Variants in AZIN2 observed in about 807,000 individuals in gnomAD.
AZIN2 encodes the protein antizyme inhibitor 2.
A neutral mutation model predicts 47.8 loss-of-function variants in AZIN2; 28 were observed. The ratio of observed to expected loss-of-function variants is 0.59; its 90% confidence interval spans 0.43 to 0.80. AZIN2 has a LOEUF of 0.80. Ranked by LOEUF, AZIN2 falls within the 30% of genes least tolerant of loss-of-function variation. The pLI, the probability that AZIN2 is intolerant of heterozygous loss-of-function variation, is 0.00. For synonymous variants in AZIN2, 221 were observed against 239.4 expected (o/e 0.92, Z 0.71); for missense variants, 535 against 582.5 (o/e 0.92, Z 0.84).
At chr1:33,131,104 G>T in the AZIN2 span, among the ~76,000 whole-genome samples, 4 of 152,218 alleles carry the variant, frequency 2.6e-5, no homozygotes, top group Non-Finnish European at 5.9e-5. Flanking sequence ...GTTGGTCAAA[G>T]AAAACAGCCA....
chr1:33,143,676 T>C, the AZIN2 span, among the ~76,000 whole-genome samples: 1 of 152,216 alleles, frequency 6.6e-6, no homozygotes, highest in Admixed American at 6.5e-5. Flanking sequence ...ACCTGTGGCC[T>C]GCAGCCTAAC....
At chr1:33,114,355 CTTTTT>C (rs59452990) in intron 10 of AZIN2, among the ~76,000 whole-genome samples, 4 of 115,950 alleles carry the variant, frequency 3.4e-5, no homozygotes, top group East Asian at 2.4e-4. Flanking sequence ...TTTTTCTTTT[CTTTTT>C]TTTTTTTTTT....
chr1:33,103,129 C>T (rs1411156365), intron 10 of AZIN2, among the ~76,000 whole-genome samples: 1 of 152,126 alleles, frequency 6.6e-6, no homozygotes, highest in Admixed American at 6.5e-5. Flanking sequence ...ATACTACTAC[C>T]TGCTTACCAC....
downstream of AZIN2, among the ~76,000 whole-genome samples, chr1:33,124,511 C>T (rs145618528): frequency 2.0e-5 from 3 of 152,230 alleles, no homozygotes; most frequent in Middle Eastern, 3.4e-3. The surrounding 1 kb of genome is among the most constrained non-coding windows in gnomAD (Gnocchi z 4.6). Context: ...AAAGGCAGAC[C>T]CAGTCAGGAA....
intron 6 of AZIN2, 69 bp downstream of exon 6, chr1:33,092,291 G>C: frequency 6.5e-7 from 1 of 1,530,942 alleles, no homozygotes; most frequent in Non-Finnish European, 8.8e-7. Flanking sequence ...CCTGGGCTGT[G>C]GGGAGGCTGG....
chr1:33,160,856 C>T, the AZIN2 span, among the ~76,000 whole-genome samples: 1 of 152,222 alleles, frequency 6.6e-6, no homozygotes, highest in Non-Finnish European at 1.5e-5. Context: ...CTCTAGGACC[C>T]TCTGGCTAAG....
chr1:33,148,127 G>A, the AZIN2 span, among the ~76,000 whole-genome samples: 2 of 152,180 alleles, frequency 1.3e-5, no homozygotes, highest in Non-Finnish European at 2.9e-5. Context: ...AAATTGGTGA[G>A]TGTGTTCAGG....
the AZIN2 span, chr1:33,147,325 A>G: frequency 6.2e-7 from 1 of 1,614,210 alleles, no homozygotes. This position sits in a 1 kb window ranked among gnomAD's most constrained non-coding sequence, Gnocchi z 8.1. Context: ...GTAGAAGATG[A>G]GCAAGCCTTG....
chr1:33,086,072 G>A (rs1243590290), intron 5 of AZIN2, among the ~76,000 whole-genome samples: 3 of 152,212 alleles, frequency 2.0e-5, no homozygotes, highest in African/African-American at 7.2e-5. Flanking sequence ...AGAGTGAGGT[G>A]TTAAGGCTGA....
the AZIN2 span, chr1:33,164,323 A>C: frequency 6.6e-6 from 1 of 152,260 alleles, no homozygotes; most frequent in South Asian, 2.1e-4. Flanking sequence ...GGCCCAGCGC[A>C]TTCCTAAGGC....
chr1:33,083,962 A>G lies in AZIN2; in HGVS notation c.114A>G (p.Val38=). ...CACTTCTTGTCATTCAGGACGAGGT[A>G]GCTGCCTTCTTCGTGGCTGACCTGG... ...LGASQATTDE[V]AAFFVADLGA... is the part of the protein sequence containing the mutation. Residue 38 remains valine (V), a synonymous_variant, in exon 5 of 12, where the codon GTA becomes GTG. Transcript: ENST00000294517. The G allele has an allele frequency of 6.2e-7, 1 of 1,614,154 alleles. No homozygotes were observed. Among genetic ancestry groups the G allele is most frequent in the Non-Finnish European group, 8.5e-7 (1 of 1,180,034 alleles).
At chr1:33,157,888 C>T in the AZIN2 span, among the ~76,000 whole-genome samples, 1 of 152,104 alleles carries the variant, frequency 6.6e-6, no homozygotes, top group African/African-American at 2.4e-5. Context: ...TCTCGAGTAG[C>T]TGGGATTACA....
chr1:33,092,289 G>A, intron 6 of AZIN2, 67 bp downstream of exon 6: 1 of 1,523,418 alleles, frequency 6.6e-7, no homozygotes, highest in Non-Finnish European at 8.8e-7. Flanking sequence ...AGCCTGGGCT[G>A]TGGGGAGGCT....
the AZIN2 span, among the ~76,000 whole-genome samples, chr1:33,151,623 C>G: frequency 1.3e-5 from 2 of 152,292 alleles, no homozygotes; most frequent in African/African-American, 4.8e-5. Flanking sequence ...TGGGGGCTCA[C>G]TATTCTACAG....
chr1:33,142,744 C>T, the AZIN2 span: 1 of 152,338 alleles, frequency 6.6e-6, no homozygotes, highest in Admixed American at 6.5e-5. Flanking sequence ...TGCTGCCTGT[C>T]ACTGGAGCCA....
chr1:33,127,999 CCA>C (rs1644868942), downstream of AZIN2, among the ~76,000 whole-genome samples: 1 of 152,064 alleles, frequency 6.6e-6, no homozygotes, highest in Non-Finnish European at 1.5e-5. Flanking sequence ...TTACTCTCTG[CCA>C]CAGTTTCTGA....
chr1:33,082,065 G>A (rs1022401897), intron 3 of AZIN2, 113 bp from the exon 4 acceptor site: 2 of 612,886 alleles, frequency 3.3e-6, no homozygotes, highest in Non-Finnish European at 5.9e-6. Context: ...AGTGAACCCC[G>A]GGCTTGTGCT....
chr1:33,107,275 C>T (rs1198550422), intron 10 of AZIN2, among the ~76,000 whole-genome samples: 1 of 146,892 alleles, frequency 6.8e-6, no homozygotes, highest in Non-Finnish European at 1.5e-5. Flanking sequence ...CAGAGTGAGA[C>T]TCCATCTCAC....
At chr1:33,117,232 A>C (rs1477230653) in intron 10 of AZIN2, among the ~76,000 whole-genome samples, 1 of 152,104 alleles carries the variant, frequency 6.6e-6, no homozygotes, top group African/African-American at 2.4e-5. Context: ...TGTTGTTGGA[A>C]GTCCATCTTT....
Sources: allele counts gnomAD v4.1 joint callset (sites outside exome capture counted in the v4.1 genomes callset), GRCh38; gene constraint gnomAD v4.1.1; non-coding constraint Gnocchi (gnomAD v3.1); transcripts MANE v1.5; gene names NCBI Gene and HGNC (gene_info 2026-07-23, HGNC 2026-07-21).